ETF1: variants seen among roughly 807,000 people sequenced by gnomAD.
ETF1 encodes the protein eukaryotic translation termination factor 1.
Under a neutral mutation model 55.1 loss-of-function variants are expected in ETF1, and 4 were observed. The ratio of observed to expected loss-of-function variants is 0.07; its 90% confidence interval spans 0.04 to 0.17. ETF1 has a LOEUF of 0.17. Ranked by LOEUF, ETF1 falls within the 10% of genes least tolerant of loss-of-function variation. ETF1 has a pLI of 1.00. For synonymous variants in ETF1, 157 were observed against 182.3 expected, an observed-to-expected ratio of 0.86 and a Z score of 1.12; for missense variants, 142 against 523.6, an observed-to-expected ratio of 0.27 and a Z score of 7.11.
chr5:138,543,064 A>C, intron 1 of ETF1, 33 bp downstream of exon 1: 3 of 782,660 alleles, frequency 3.8e-6, no homozygotes, highest in Non-Finnish European at 6.1e-6. Context: ...GCTCGCCACA[A>C]AGGTCACCGG....
chr5:138,507,325 T>C lies in ETF1; in HGVS notation c.*980A>G, dbSNP rs1275432538. 6.6e-6 allele frequency: 1 copy of C among 152,644 alleles called. No homozygotes were observed. Among genetic ancestry groups the C allele is most frequent in the African/African-American group, 2.4e-5 (1 of 41,446 alleles). 9.5% of individuals were successfully genotyped at this position (152,644 alleles called of 1,614,324 possible). A position where few individuals can be genotyped will look rare whatever the true frequency, so the allele number is the denominator to read the frequency against. On this transcript the variant is annotated 3_prime_UTR_variant, in exon 11 of 11. Transcript: ENST00000360541. Reference sequence around the variant, plus strand: ...CTGTGAAAAACCTTGCAGTTCATTTTAATAAATCAAAACATTCACATAATC... The same window carrying C: ...CTGTGAAAAACCTTGCAGTTCATTTCAATAAATCAAAACATTCACATAATC...
chr5:138,512,197 CAAAAAAA>C (rs58386195), intron 6 of ETF1, among the ~76,000 whole-genome samples: 38 of 2,830 alleles, frequency 0.013, no homozygotes, highest in African/African-American at 0.048. Flanking sequence ...GACCCAGTCT[CAAAAAAA>C]AAAAAAAAAA....
chr5:138,511,289 T>G, intron 7 of ETF1, 89 bp from the exon 8 acceptor site: 1 of 1,548,520 alleles, frequency 6.5e-7, no homozygotes, highest in Non-Finnish European at 8.7e-7. Flanking sequence ...CTAAAGAAGA[T>G]AAAAAATAAT....
At chr5:138,528,983 T>C (rs959922542) in intron 2 of ETF1, among the ~76,000 whole-genome samples, 1 of 151,860 alleles carries the variant, frequency 6.6e-6, no homozygotes, top group African/African-American at 2.4e-5. Flanking sequence ...CCATCTCTAC[T>C]AAAAATACAA....
At chr5:138,522,198 G>T (rs1467939491) in intron 2 of ETF1, among the ~76,000 whole-genome samples, 1 of 151,824 alleles carries the variant, frequency 6.6e-6, no homozygotes, top group African/African-American at 2.4e-5. Flanking sequence ...ATAGCATTAG[G>T]AAAGTAAAAA....
intron 2 of ETF1, among the ~76,000 whole-genome samples, chr5:138,534,571 C>T (rs1360637050): frequency 6.6e-6 from 1 of 152,184 alleles, no homozygotes; most frequent in Non-Finnish European, 1.5e-5. Context: ...CAAGTTCTTC[C>T]TAGGGTGGAA....
intron 2 of ETF1, among the ~76,000 whole-genome samples, chr5:138,519,402 G>A (rs1423227851): frequency 2.0e-5 from 3 of 151,960 alleles, no homozygotes; most frequent in East Asian, 1.9e-4. Context: ...GATGGCTCAC[G>A]CTTATAATCC....
At chr5:138,514,858 TCA>T (rs1764952610) in intron 4 of ETF1, among the ~76,000 whole-genome samples, 1 of 152,222 alleles carries the variant, frequency 6.6e-6, no homozygotes, top group South Asian at 2.1e-4. Context: ...ATAAGAGTTC[TCA>T]CAGTGGAATC....
intron 1 of ETF1, 53 bp downstream of exon 1, chr5:138,543,044 G>A (rs1261402807): frequency 4.2e-6 from 4 of 942,920 alleles, no homozygotes; most frequent in Non-Finnish European, 6.4e-6. Context: ...CTCTCCTCCC[G>A]TCCGGTGCAG....
At chr5:138,535,939 T>G (rs1272296620) in intron 2 of ETF1, among the ~76,000 whole-genome samples, 1 of 141,258 alleles carries the variant, frequency 7.1e-6, no homozygotes. Context: ...CCCTTCAACA[T>G]GTACTGTGTT....
chr5:138,537,554 CTTTT>C lies in ETF1; in HGVS notation c.86+5275_86+5278del, dbSNP rs375955657. On this transcript the variant is annotated intron_variant, in intron 2 of 10. Transcript: ENST00000360541. ...AAACTTAAAATAGTCTAGTTCTTGA[CTTTT>C]TTCTCATGTGGTCTTTATTTATTAT... is the stretch of plus-strand genomic sequence containing the variant. Among the ~76,000 whole-genome samples the C allele has an allele frequency of 2.4e-3, 365 of 152,176 alleles. 2 individuals are homozygous for C. Among genetic ancestry groups the C allele is most frequent in the African/African-American group, 8.7e-3 (362 of 41,516 alleles).
At chr5:138,509,189 C>T (rs943143721) in intron 9 of ETF1, 58 of 985,106 alleles carry the variant, frequency 5.9e-5, no homozygotes, top group Non-Finnish European at 6.7e-5. Flanking sequence ...GGAGTGGCCT[C>T]GTAGAGAACA....
rs1027198176 is a variant in ETF1, at chr5:138,539,242, G to A, written c.86+3591C>T. Among the ~76,000 whole-genome samples the A allele has an allele frequency of 1.3e-5, 2 of 152,146 alleles. 1 individual carries two copies. Among genetic ancestry groups the A allele is most frequent in the Admixed American group, 1.3e-4 (2 of 15,272 alleles). On this transcript the variant is annotated intron_variant, in intron 2 of 10. Transcript: ENST00000360541. ...TCACCACTGTCCCTGGCTAGCACAG[G>A]CTCTAGTTATGATTTTATTAACATT...
intron 2 of ETF1, among the ~76,000 whole-genome samples, chr5:138,522,373 G>A (rs913047673): frequency 1.3e-5 from 2 of 152,156 alleles, no homozygotes; most frequent in African/African-American, 4.8e-5. Context: ...AGCATGTGAA[G>A]AAATCGAAAT....
intron 2 of ETF1, among the ~76,000 whole-genome samples, chr5:138,524,124 T>G (rs7723038): frequency 1.0e-3 from 154 of 151,120 alleles, no homozygotes; most frequent in African/African-American, 3.6e-3. Flanking sequence ...AGGCAGAGGT[T>G]GCGGTGCAGT....
intron 2 of ETF1, among the ~76,000 whole-genome samples, chr5:138,526,239 A>G (rs1765467712): frequency 6.6e-6 from 1 of 152,214 alleles, no homozygotes; most frequent in African/African-American, 2.4e-5. Context: ...CTGGTTACAG[A>G]GTCAAATTAA....
chr5:138,508,928 C>T, intron 9 of ETF1, 112 bp from the exon 10 acceptor site: 1 of 1,486,578 alleles, frequency 6.7e-7, no homozygotes, highest in South Asian at 1.4e-5. Context: ...CATTTATAGG[C>T]ATGTCTGTGT....
At chr5:138,509,574 G>C (rs933484347) in intron 9 of ETF1, among the ~76,000 whole-genome samples, 1 of 151,868 alleles carries the variant, frequency 6.6e-6, no homozygotes, top group Non-Finnish European at 1.5e-5. Context: ...CCAGCCTGGT[G>C]AACACAGCAA....
intron 2 of ETF1, among the ~76,000 whole-genome samples, chr5:138,532,578 A>G (rs1765746465): frequency 6.6e-6 from 1 of 152,180 alleles, no homozygotes; most frequent in Admixed American, 6.5e-5. Flanking sequence ...AGAAATGGGG[A>G]GGGGAGAGAG....
Sources: gnomAD v4.1 joint callset for allele counts (sites outside exome capture counted in the v4.1 genomes callset) on GRCh38, gnomAD v4.1.1 for gene constraint, MANE v1.5 for transcripts, NCBI Gene and HGNC (gene_info 2026-07-23, HGNC 2026-07-21) for gene names.